The following PSMF1 variants were observed in gnomAD, a reference collection of about 807,000 sequenced individuals.
The protein encoded by PSMF1 is proteasome inhibitor PI31 subunit.
In PSMF1, 30 loss-of-function variants were observed where a neutral mutation model predicts 29.3. The observed-to-expected ratio is 1.02, with a 90% CI of 0.77 to 1.39. The LOEUF (loss-of-function observed/expected upper bound fraction) is 1.39. Ranked by LOEUF, PSMF1 falls within the 40% of genes most tolerant of loss-of-function variation. The probability of loss-of-function intolerance (pLI) is 0.00; values close to 1 mark genes in which losing one functional copy is unlikely to be tolerated. For missense variants in PSMF1, 344 were observed against 357.5 expected (o/e 0.96, Z 0.31); for synonymous variants, 134 against 139.7 (o/e 0.96, Z 0.29).
chr20:1,118,766 G>C lies in PSMF1; in HGVS notation c.-8G>C. On this transcript the variant is annotated 5_prime_UTR_variant, in exon 1 of 7. Coordinates refer to ENST00000335877, the MANE Select transcript of PSMF1 (RefSeq NM_006814.5). ...TCTTTCCTCCAGACGCCGAAGTCGC[G>C]GGCGCTCATGGCGGGCCTGGAGGTA... 6.2e-7 allele frequency: 1 copy of C among 1,609,464 alleles called. No homozygotes were observed. Among genetic ancestry groups the C allele is most frequent in the East Asian group, 2.2e-5 (1 of 44,818 alleles).
chr20:1,160,174 G>A (rs1600173366), intron 4 of PSMF1, among the ~76,000 whole-genome samples: 1 of 152,134 alleles, frequency 6.6e-6, no homozygotes, highest in South Asian at 2.1e-4. Flanking sequence ...CTTTCTGGTT[G>A]TAATTATACA....
upstream of PSMF1, among the ~76,000 whole-genome samples, chr20:1,116,091 A>C (rs976011721): frequency 1.3e-5 from 2 of 150,112 alleles, no homozygotes; most frequent in African/African-American, 4.9e-5. Context: ...GAACCTGTTC[A>C]TCTGTGTCTG....
Position 1,164,550 on chromosome 20 carries a change from T to C in PSMF1, c.764+74T>C. 1 of 1,572,290 alleles carries C rather than the reference T, an allele frequency of 6.4e-7. No homozygotes were observed. Among genetic ancestry groups the C allele is most frequent in the Non-Finnish European group, 8.7e-7 (1 of 1,148,682 alleles). On this transcript the variant is annotated intron_variant, in intron 6 of 6. Coordinates refer to ENST00000335877, the MANE Select transcript of PSMF1 (RefSeq NM_006814.5). This position sits in a 1 kb window ranked among gnomAD's most constrained non-coding sequence, Gnocchi z 4.1. ...GGTTCAGTGTGGCAGCAATGAAGGT[T>C]TCTAGCCCCAGGCACAGAGCTGCCG...
At chr20:1,145,807 G>A (rs1349429519) in intron 4 of PSMF1, among the ~76,000 whole-genome samples, 2 of 152,132 alleles carry the variant, frequency 1.3e-5, no homozygotes, top group African/African-American at 4.8e-5. Flanking sequence ...GCCAAGCACT[G>A]GACTGCTGCA....
chr20:1,147,827 C>T (rs994770539), intron 4 of PSMF1, among the ~76,000 whole-genome samples: 2 of 152,188 alleles, frequency 1.3e-5, no homozygotes, highest in African/African-American at 4.8e-5. Context: ...CACACTTCCA[C>T]CTTTTCCTTT....
chr20:1,152,305 C>A (rs1186505952), intron 4 of PSMF1, among the ~76,000 whole-genome samples: 1 of 152,212 alleles, frequency 6.6e-6, no homozygotes, highest in East Asian at 1.9e-4. Flanking sequence ...AGCAACACAT[C>A]TTATGAGCAT....
At chr20:1,142,038 A>G (rs1239084765) in intron 4 of PSMF1, among the ~76,000 whole-genome samples, 5 of 152,078 alleles carry the variant, frequency 3.3e-5, no homozygotes, top group Non-Finnish European at 7.4e-5. Flanking sequence ...GCCAACCAAC[A>G]TGGTGAAACC....
upstream of PSMF1, among the ~76,000 whole-genome samples, chr20:1,116,660 T>C (rs967160989): frequency 6.6e-6 from 1 of 152,194 alleles, no homozygotes; most frequent in Admixed American, 6.5e-5. Context: ...GGTACATATG[T>C]GCACAAGGTA....
intron 3 of PSMF1, among the ~76,000 whole-genome samples, chr20:1,133,204 T>C (rs2086253713): frequency 6.6e-6 from 1 of 151,428 alleles, no homozygotes; most frequent in African/African-American, 2.4e-5. Context: ...GTAAAGTATA[T>C]TGTTAGGGGT....
chr20:1,134,232 G>T (rs572640820), intron 3 of PSMF1, among the ~76,000 whole-genome samples: 11 of 151,844 alleles, frequency 7.2e-5, no homozygotes, highest in African/African-American at 2.4e-4. Context: ...GTGCTATGAG[G>T]TTTCTTCTCA....
At chr20:1,150,176 TCTCAAAAAAAAAAAAAAAAGTGC>T (rs2122565193) in intron 4 of PSMF1, among the ~76,000 whole-genome samples, 1 of 150,176 alleles carries the variant, frequency 6.7e-6, no homozygotes, top group East Asian at 1.9e-4. Context: ...CAAGACCCTG[TCTCAAAAAAAAAAAAAAAAGTGC>T]TTTATGCCCG....
At chr20:1,121,341 C>T (rs564930154) in intron 1 of PSMF1, among the ~76,000 whole-genome samples, 5 of 152,068 alleles carry the variant, frequency 3.3e-5, no homozygotes, top group Admixed American at 1.3e-4. Flanking sequence ...TGCATGCCCC[C>T]GAAGGAATGA....
upstream of PSMF1, among the ~76,000 whole-genome samples, chr20:1,113,916 G>C (rs796815633): frequency 5.5e-4 from 84 of 151,896 alleles, no homozygotes; most frequent in African/African-American, 1.9e-3. Context: ...TGGTCTCGAT[G>C]TCCTGACCTC....
At position 1,163,536 on chromosome 20, in the gene PSMF1, C is replaced by G. The variant is rs1256302728; in HGVS notation, c.605+353C>G. Among the ~76,000 whole-genome samples, 1 of 152,242 alleles carries G rather than the reference C, an allele frequency of 6.6e-6. No homozygotes were observed. Among genetic ancestry groups the G allele is most frequent in the Middle Eastern group, 3.2e-3 (1 of 316 alleles). On this transcript the variant is annotated intron_variant, in intron 5 of 6. Coordinates refer to ENST00000335877, the MANE Select transcript of PSMF1 (RefSeq NM_006814.5). This position sits in a 1 kb window ranked among gnomAD's most constrained non-coding sequence, Gnocchi z 6.1. ...GGTTGCCCCACTTAATAAAGGGAGT[C>G]TCTGAGCCCCATTAGACTCTGGATG...
At chr20:1,120,056 A>G (rs2086066647) in intron 1 of PSMF1, among the ~76,000 whole-genome samples, 2 of 152,118 alleles carry the variant, frequency 1.3e-5, no homozygotes, top group Middle Eastern at 6.8e-3. Flanking sequence ...GAGCACTTAG[A>G]CAAGTATCCC....
chr20:1,113,927 G>A (rs1411434634), upstream of PSMF1, among the ~76,000 whole-genome samples: 1 of 151,890 alleles, frequency 6.6e-6, no homozygotes, highest in Admixed American at 6.6e-5. Flanking sequence ...TCCTGACCTC[G>A]TGATCCGCCC....
At chr20:1,117,015 A>C (rs1730689263), upstream of PSMF1, among the ~76,000 whole-genome samples, 1 of 152,236 alleles carries the variant, frequency 6.6e-6, no homozygotes, top group South Asian at 2.1e-4. Context: ...TAAGTGTGAG[A>C]TGCTGGAGGA....
Position 1,164,265 on chromosome 20 carries a change from T to C in PSMF1, c.606-53T>C, listed in dbSNP as rs954228605. On this transcript the variant is annotated intron_variant, in intron 5 of 6. Transcript: ENST00000335877. The surrounding 1 kb of genome is among the most constrained non-coding windows in gnomAD (Gnocchi z 4.1). The stretch of plus-strand genomic sequence containing the variant: ...GCATTGTAACCTCCCTCGCCTTTTC[T>C]CCAAGGGCAGTCCTTGCCACACCTG... 4 of 1,541,958 alleles carry C rather than the reference T, an allele frequency of 2.6e-6. No individual in the cohort carries two copies. The highest frequency in any genetic ancestry group is 3.6e-6 in the Non-Finnish European group (4 of 1,114,850).
upstream of PSMF1, among the ~76,000 whole-genome samples, chr20:1,117,117 C>T (rs2086018912): frequency 6.6e-6 from 1 of 151,962 alleles, no homozygotes; most frequent in Non-Finnish European, 1.5e-5. Context: ...GCTGTTGGAC[C>T]AGATGTAGAT....
Sources: gnomAD v4.1 joint callset for allele counts (sites outside exome capture counted in the v4.1 genomes callset) on GRCh38, gnomAD v4.1.1 for gene constraint, Gnocchi (gnomAD v3.1) non-coding constraint, MANE v1.5 for transcripts, NCBI Gene and HGNC (gene_info 2026-07-23, HGNC 2026-07-21) for gene names.